The following CWC22 variants were observed in gnomAD, a reference collection of about 807,000 sequenced individuals.
CWC22 encodes CWC22 spliceosome associated protein.
A neutral mutation model predicts 117.2 loss-of-function variants in CWC22; 53 were observed. The ratio of observed to expected loss-of-function variants is 0.45; its 90% confidence interval spans 0.36 to 0.57. CWC22 has a LOEUF of 0.57. Among genes scored for constraint, CWC22 ranks in the 20% least tolerant of loss-of-function variants. The pLI is 0.00. For missense variants in CWC22, 980 were observed against 1,068.8 expected, an observed-to-expected ratio of 0.92 and a Z score of 1.16; for synonymous variants, 360 against 355.6, an observed-to-expected ratio of 1.01 and a Z score of -0.14.
chr2:179,972,426 G>C (rs903552576), intron 8 of CWC22, among the ~76,000 whole-genome samples: 4 of 152,104 alleles, frequency 2.6e-5, no homozygotes, highest in Admixed American at 2.0e-4. Context: ...ATTTGAAACA[G>C]ATTAAAATCG....
intron 1 of CWC22, 35 bp downstream of exon 1, chr2:180,006,832 G>A (rs1041211502): frequency 2.0e-5 from 3 of 152,532 alleles, no homozygotes; most frequent in Non-Finnish European, 4.4e-5. Context: ...GGTCCGCTCA[G>A]GCAGTCAGTT....
intron 1 of CWC22, among the ~76,000 whole-genome samples, chr2:179,995,552 T>C (rs557253220): frequency 1.3e-5 from 2 of 152,360 alleles, no homozygotes; most frequent in East Asian, 3.9e-4. Context: ...GGGTAGTTTA[T>C]GTAGCACTTC....
At chr2:179,947,537 C>A (rs1051527954) in intron 19 of CWC22, among the ~76,000 whole-genome samples, 1 of 152,202 alleles carries the variant, frequency 6.6e-6, no homozygotes, top group Non-Finnish European at 1.5e-5. Flanking sequence ...TATGAGAAGG[C>A]AAATTAATTT....
At chr2:179,963,522 T>A (rs1188095759) in intron 13 of CWC22, among the ~76,000 whole-genome samples, 1 of 151,088 alleles carries the variant, frequency 6.6e-6, no homozygotes, top group Non-Finnish European at 1.5e-5. Flanking sequence ...TTTTGTATTT[T>A]TAGTAGAGAC....
At chr2:179,958,516 C>A (rs1401620106) in intron 14 of CWC22, among the ~76,000 whole-genome samples, 3 of 151,878 alleles carry the variant, frequency 2.0e-5, no homozygotes, top group Non-Finnish European at 4.4e-5. Context: ...AGGCCCAACA[C>A]AAATTCATAA....
chr2:179,961,384 G>T (rs1292048554), intron 13 of CWC22, among the ~76,000 whole-genome samples: 1 of 151,892 alleles, frequency 6.6e-6, no homozygotes, highest in Non-Finnish European at 1.5e-5. Flanking sequence ...ATTACTTAGA[G>T]GGTTTCCTAA....
At chr2:179,965,676 T>C (rs1686870119) in intron 12 of CWC22, among the ~76,000 whole-genome samples, 1 of 152,218 alleles carries the variant, frequency 6.6e-6, no homozygotes, top group African/African-American at 2.4e-5. Context: ...ATACTGGCAT[T>C]TTGGGCTAGA....
chr2:179,949,776 T>C (rs1686400004), intron 19 of CWC22, among the ~76,000 whole-genome samples: 1 of 152,068 alleles, frequency 6.6e-6, no homozygotes, highest in Non-Finnish European at 1.5e-5. Context: ...TGAGCAAAAA[T>C]GATAAATATA....
intron 14 of CWC22, among the ~76,000 whole-genome samples, chr2:179,957,842 G>A (rs1396327322): frequency 6.7e-6 from 1 of 148,644 alleles, no homozygotes; most frequent in African/African-American, 2.5e-5. Context: ...ATATACATTA[G>A]AAAAAAAAAA....
At chr2:180,006,552 C>A (rs1191869729) in intron 1 of CWC22, among the ~76,000 whole-genome samples, 2 of 152,090 alleles carry the variant, frequency 1.3e-5, no homozygotes, top group African/African-American at 4.8e-5. Context: ...AAAAAGAAGA[C>A]GCTAATGAAA....
chr2:180,003,017 A>C (rs536588160), intron 1 of CWC22, among the ~76,000 whole-genome samples: 1 of 152,310 alleles, frequency 6.6e-6, no homozygotes, highest in Admixed American at 6.5e-5. Context: ...TTAAATAAAA[A>C]ACGGGGAGTG....
At chr2:179,960,733 C>A (rs1482953624) in intron 13 of CWC22, among the ~76,000 whole-genome samples, 1 of 151,938 alleles carries the variant, frequency 6.6e-6, no homozygotes, top group African/African-American at 2.4e-5. Context: ...GGAATATTTA[C>A]ACTTTCTCAC....
chr2:179,945,853 G>A lies in CWC22; in HGVS notation c.2141-138C>T, dbSNP rs925630013. 3 of 593,624 alleles carry A rather than the reference G, an allele frequency of 5.1e-6. No individual in the cohort carries two copies. The Admixed American group carries it at 9.9e-5, about 20-fold the overall frequency. The allele number at this position is 593,624 out of a possible 1,614,324, so 36.8% of individuals were successfully genotyped here. On this transcript the variant is annotated intron_variant, in intron 19 of 19. Coordinates refer to ENST00000410053, the MANE Select transcript of CWC22 (RefSeq NM_020943.3). ...CAAAGCCAAATTGATTGAATAGAAA[G>A]TCTGATGACACAGAGTCTTACCAAA...
At chr2:179,994,142 T>G (rs747751278) in intron 1 of CWC22, among the ~76,000 whole-genome samples, 1 of 152,230 alleles carries the variant, frequency 6.6e-6, no homozygotes, top group African/African-American at 2.4e-5. Flanking sequence ...TTGATACTTA[T>G]GTTCACAAAG....
intron 1 of CWC22, among the ~76,000 whole-genome samples, chr2:179,995,116 T>TCAAA (rs1011832264): frequency 4.6e-5 from 7 of 152,122 alleles, no homozygotes; most frequent in Non-Finnish European, 8.8e-5. Context: ...AGACTTCGTC[T>TCAAA]CAAACAAACA....
At position 179,950,518 on chromosome 2, in the gene CWC22, C is replaced by G; in HGVS notation, c.2134G>C (p.Ala712Pro). The change falls in exon 19 of 20, where the codon GCC (alanine) becomes CCC (proline). Residue 712 changes from alanine to proline, a missense_variant. Physicochemically the swap from Ala to Pro is conservative, Grantham distance 27 (BLOSUM62 -1). Transcript: ENST00000410053. ...TACACATAAGCTTCAATACCTGAGG[C>G]AGAGCTATGACTACTGATGGATGAA... Reference protein sequence around the residue: ...DSSSISSHSSASANDVRKKGH... With the variant: ...DSSSISSHSSPSANDVRKKGH... The G allele has an allele frequency of 6.2e-7, 1 of 1,601,632 alleles. No individual in the cohort carries two copies. Among genetic ancestry groups the G allele is most frequent in the South Asian group, 1.1e-5 (1 of 90,384 alleles).
chr2:179,954,429 T>C (rs969903438), intron 15 of CWC22, 72 bp from the exon 16 acceptor site: 6 of 919,278 alleles, frequency 6.5e-6, no homozygotes, highest in African/African-American at 1.7e-5. Context: ...AATCCTAAAT[T>C]TACTGAATCA....
chr2:179,957,740 T>G (rs1489420986), intron 14 of CWC22, among the ~76,000 whole-genome samples: 2 of 151,912 alleles, frequency 1.3e-5, no homozygotes, highest in Non-Finnish European at 2.9e-5. Context: ...TTACCACATT[T>G]AAAGCAACGT....
At chr2:179,964,366 C>T (rs1686833738) in intron 13 of CWC22, among the ~76,000 whole-genome samples, 181 bp downstream of exon 13, 1 of 152,038 alleles carries the variant, frequency 6.6e-6, no homozygotes, top group South Asian at 2.1e-4. Flanking sequence ...AACAATTTGC[C>T]TATAAAGCAA....
Sources: allele counts gnomAD v4.1 joint callset (sites outside exome capture counted in the v4.1 genomes callset), GRCh38; gene constraint gnomAD v4.1.1; transcripts MANE v1.5; gene names NCBI Gene and HGNC (gene_info 2026-07-23, HGNC 2026-07-21).